Variants in FLT3 observed in about 807,000 individuals in gnomAD.
FLT3 encodes fms related receptor tyrosine kinase 3.
FLT3 carries 46 observed loss-of-function variants against 126.6 expected under a neutral mutation model. That is an observed-to-expected ratio of 0.36 (90% CI 0.29 to 0.46). FLT3 has a LOEUF of 0.46. FLT3 is among the 20% of genes least tolerant of loss of function. The pLI, the probability that FLT3 is intolerant of heterozygous loss-of-function variation, is 1.00. For synonymous variants in FLT3, 404 were observed against 434.4 expected (o/e 0.93, Z 0.87); for missense variants, 1,069 against 1,190.3 (o/e 0.90, Z 1.50).
chr13:28,018,920 C>T (rs187336494), intron 19 of FLT3, among the ~76,000 whole-genome samples: 2 of 152,048 alleles, frequency 1.3e-5, no homozygotes, highest in East Asian at 3.9e-4. Context: ...AATCTCAGAG[C>T]TGTCCTCCAG....
chr13:28,051,016 T>C (rs1875404098), intron 5 of FLT3, among the ~76,000 whole-genome samples: 1 of 152,190 alleles, frequency 6.6e-6, no homozygotes, highest in African/African-American at 2.4e-5. Context: ...TTAATCAGAA[T>C]AGCAATCCTA....
chr13:28,022,766 A>G (rs922172284), intron 19 of FLT3, among the ~76,000 whole-genome samples: 1 of 152,236 alleles, frequency 6.6e-6, no homozygotes, highest in African/African-American at 2.4e-5. Flanking sequence ...TTGAAATCAC[A>G]GAGAACAGCG....
intron 1 of FLT3, among the ~76,000 whole-genome samples, chr13:28,074,720 G>A (rs796910898): frequency 2.6e-5 from 4 of 151,926 alleles, no homozygotes; most frequent in African/African-American, 7.3e-5. Context: ...AGCTCACTGC[G>A]GCCTTGACCT....
At chr13:28,098,285 A>T (rs1164875251) in intron 1 of FLT3, among the ~76,000 whole-genome samples, 1 of 146,474 alleles carries the variant, frequency 6.8e-6, no homozygotes, top group African/African-American at 2.6e-5. Flanking sequence ...ACTACACTCC[A>T]GCCTGGGTGA....
chr13:28,038,965 T>A (rs1233632235), intron 9 of FLT3, among the ~76,000 whole-genome samples: 1 of 151,748 alleles, frequency 6.6e-6, no homozygotes, highest in Non-Finnish European at 1.5e-5. Flanking sequence ...CAGCAGATGA[T>A]CAAAGAAGGC....
At chr13:28,026,640 G>A (rs568821484) in intron 17 of FLT3, among the ~76,000 whole-genome samples, 10 of 151,012 alleles carry the variant, frequency 6.6e-5, no homozygotes, top group Middle Eastern at 3.4e-3. Context: ...TCCCCATCAC[G>A]TGTCGATCAA....
intron 2 of FLT3, chr13:28,068,284 G>C (rs1686840038): frequency 6.6e-6 from 1 of 152,300 alleles, no homozygotes; most frequent in Non-Finnish European, 1.5e-5. Flanking sequence ...TGGTGCCTTA[G>C]TATAGTCATC....
Position 28,015,600 on chromosome 13 carries a change from G to T in FLT3, c.2643C>A (p.Ile881=), listed in dbSNP as rs367899009. 17 of 1,603,330 alleles carry T rather than the reference G, an allele frequency of 1.1e-5. No homozygotes were observed. In the African/African-American group the frequency reaches 1.7e-4, roughly 16 times the overall value. The change falls in exon 21 of 24, where the codon ATC becomes ATA. Residue 881 remains isoleucine (I), a synonymous_variant. Coordinates refer to ENST00000241453, the MANE Select transcript of FLT3 (RefSeq NM_004119.3). ...VWSYGILLWE[I]FSLGVNPYPG... is the part of the protein sequence containing the mutation. The stretch of plus-strand genomic sequence containing the variant: ...AGCTGCCCAACTTACCAAGTGAGAA[G>T]ATTTCCCACAGTAATATTCCATATG...
intron 1 of FLT3, among the ~76,000 whole-genome samples, chr13:28,095,251 T>C (rs763894921): frequency 1.3e-5 from 2 of 151,966 alleles, no homozygotes; most frequent in African/African-American, 2.4e-5. Context: ...AAGACCAAGC[T>C]AAGCCAATTT....
chr13:28,098,038 G>A (rs1593315024), intron 1 of FLT3, among the ~76,000 whole-genome samples: 1 of 152,236 alleles, frequency 6.6e-6, no homozygotes, highest in East Asian at 1.9e-4. Context: ...GGCATGGCCG[G>A]GTGTGGTGGC....
chr13:28,020,346 A>G (rs1422952869), intron 19 of FLT3, among the ~76,000 whole-genome samples: 1 of 152,002 alleles, frequency 6.6e-6, no homozygotes, highest in Non-Finnish European at 1.5e-5. Flanking sequence ...TAAACTTTTT[A>G]AAATTTTTTA....
At chr13:28,032,354 C>T (rs897363970) in intron 15 of FLT3, among the ~76,000 whole-genome samples, 13 of 152,162 alleles carry the variant, frequency 8.5e-5, no homozygotes, top group African/African-American at 2.2e-4. Flanking sequence ...GTGTGTGGAG[C>T]GAAAACGCAA....
Position 28,028,061 on chromosome 13 carries a change from T to A in FLT3, c.2053+117A>T, listed in dbSNP as rs1390867341. On this transcript the variant is annotated intron_variant, in intron 16 of 23. Coordinates refer to ENST00000241453, the MANE Select transcript of FLT3 (RefSeq NM_004119.3). ...TCCACTTGGGTTTGAGAGTTCACAC[T>A]GTGACTGAGAAAAGACAAAGAATTA... is the stretch of plus-strand genomic sequence containing the variant. 2.9e-5 allele frequency: 19 copies of A among 654,166 alleles called. No individual in the cohort carries two copies. The East Asian group carries it at 4.8e-4, about 17-fold the overall frequency. The allele number at this position is 654,166 out of a possible 1,614,324, so 40.5% of individuals were successfully genotyped here. A position where few individuals can be genotyped will look rare whatever the true frequency, so the allele number is the denominator to read the frequency against.
intron 1 of FLT3, among the ~76,000 whole-genome samples, chr13:28,085,782 C>G (rs1457714253): frequency 1.3e-5 from 2 of 150,988 alleles, no homozygotes; most frequent in Admixed American, 1.3e-4. Flanking sequence ...GGATTTTTTT[C>G]CCCATCCATT....
At chr13:28,037,511 T>C (rs1873944136) in intron 9 of FLT3, among the ~76,000 whole-genome samples, 1 of 152,194 alleles carries the variant, frequency 6.6e-6, no homozygotes, top group Non-Finnish European at 1.5e-5. Context: ...CTTGTTACAA[T>C]TGCAAGATTT....
rs762755527 is a variant in FLT3 at position 28,057,336 on chromosome 13, G to T, written c.484+11C>A. On this transcript the variant is annotated intron_variant, in intron 4 of 23. Coordinates refer to ENST00000241453, the MANE Select transcript of FLT3 (RefSeq NM_004119.3). ...TTCCAGGCTGGAATACTAGTAGCAGGCTGGACTTACTTCTTATACTCACTG... is the reference window on the plus strand; with the variant it reads ...TTCCAGGCTGGAATACTAGTAGCAGTCTGGACTTACTTCTTATACTCACTG... The T allele has an allele frequency of 4.5e-6, 5 of 1,110,662 alleles. No homozygotes were observed. Among genetic ancestry groups the T allele is most frequent in the Non-Finnish European group, 6.9e-6 (5 of 720,034 alleles). 68.8% of individuals were successfully genotyped at this position (1,110,662 alleles called of 1,614,324 possible).
intron 3 of FLT3, among the ~76,000 whole-genome samples, chr13:28,057,985 G>A (rs1009484353): frequency 1.3e-5 from 2 of 151,862 alleles, no homozygotes; most frequent in African/African-American, 4.8e-5. Flanking sequence ...GCTGCAGCAA[G>A]CTCAGGTCGC....
At chr13:28,069,173 A>G (rs544007858) in intron 2 of FLT3, among the ~76,000 whole-genome samples, 10 of 152,102 alleles carry the variant, frequency 6.6e-5, no homozygotes, top group Non-Finnish European at 1.5e-4. Context: ...TACCTCTGAG[A>G]TGAATTGTAG....
At chr13:28,099,619 AG>A (rs1879689786) in intron 1 of FLT3, among the ~76,000 whole-genome samples, 1 of 152,168 alleles carries the variant, frequency 6.6e-6, no homozygotes, top group Non-Finnish European at 1.5e-5. Context: ...GACCTAGGAC[AG>A]GGACCGGAGC....
Sources: allele counts gnomAD v4.1 joint callset (sites outside exome capture counted in the v4.1 genomes callset), GRCh38; gene constraint gnomAD v4.1.1; transcripts MANE v1.5; gene names NCBI Gene and HGNC (gene_info 2026-07-23, HGNC 2026-07-21).